Variants in SHISA9 observed in about 807,000 individuals in gnomAD.
The protein encoded by SHISA9 is protein shisa-9.
A neutral mutation model predicts 38.0 loss-of-function variants in SHISA9; 13 were observed. The ratio of observed to expected loss-of-function variants is 0.34; its 90% confidence interval spans 0.22 to 0.54. The LOEUF is 0.54. Ranked by LOEUF, SHISA9 falls within the 20% of genes least tolerant of loss-of-function variation. SHISA9 has a pLI of 0.91. For missense variants in SHISA9, 538 were observed against 575.8 expected, an observed-to-expected ratio of 0.93 and a Z score of 0.67; for synonymous variants, 275 against 242.0, an observed-to-expected ratio of 1.14 and a Z score of -1.27.
chr16:13,146,797 C>T (rs1010192861), intron 2 of SHISA9, among the ~76,000 whole-genome samples: 1 of 152,310 alleles, frequency 6.6e-6, no homozygotes, highest in South Asian at 2.1e-4. Context: ...ATTAACAGGG[C>T]ACCAACTCAA....
At chr16:12,976,084 A>G (rs1714681588) in intron 2 of SHISA9, among the ~76,000 whole-genome samples, 1 of 151,984 alleles carries the variant, frequency 6.6e-6, no homozygotes, top group Admixed American at 6.6e-5. Flanking sequence ...GCTCTAGAAA[A>G]ATAAACTTAT....
At chr16:13,375,233 T>C in the SHISA9 span, among the ~76,000 whole-genome samples, 1 of 152,242 alleles carries the variant, frequency 6.6e-6, no homozygotes. Flanking sequence ...GTTTCAGTCA[T>C]GAAGTCCTTT....
At chr16:13,245,906 A>T in the SHISA9 span, among the ~76,000 whole-genome samples, 2 of 152,170 alleles carry the variant, frequency 1.3e-5, no homozygotes, top group Non-Finnish European at 2.9e-5. Flanking sequence ...CTGTTTATTT[A>T]AGGGCTTAAA....
At chr16:13,507,193 ATAT>A in the SHISA9 span, among the ~76,000 whole-genome samples, 1 of 151,906 alleles carries the variant, frequency 6.6e-6, no homozygotes, top group East Asian at 1.9e-4. Context: ...AATATTTTTT[ATAT>A]TATTATTATT....
At chr16:13,561,908 G>A in the SHISA9 span, among the ~76,000 whole-genome samples, 1 of 152,108 alleles carries the variant, frequency 6.6e-6, no homozygotes, top group Non-Finnish European at 1.5e-5. Flanking sequence ...GGCTGGTATA[G>A]CTGGCAAATT....
At chr16:13,492,063 A>T in the SHISA9 span, among the ~76,000 whole-genome samples, 1 of 150,960 alleles carries the variant, frequency 6.6e-6, no homozygotes, top group Non-Finnish European at 1.5e-5. Flanking sequence ...CTTTGTCCCT[A>T]CCCACCTCAC....
At chr16:12,948,825 T>TA in intron 2 of SHISA9, among the ~76,000 whole-genome samples, 1 of 152,280 alleles carries the variant, frequency 6.6e-6, no homozygotes, top group South Asian at 2.1e-4. Context: ...TTCTAGGATT[T>TA]AAAAAATGTT....
At chr16:13,507,993 A>G in the SHISA9 span, among the ~76,000 whole-genome samples, 7 of 152,272 alleles carry the variant, frequency 4.6e-5, no homozygotes, top group South Asian at 1.0e-3. Context: ...AGAAAACACA[A>G]TTGTTTCTGG....
intron 2 of SHISA9, among the ~76,000 whole-genome samples, chr16:12,951,648 C>A (rs1383117286): frequency 6.6e-6 from 1 of 152,064 alleles, no homozygotes; most frequent in East Asian, 1.9e-4. Flanking sequence ...GAGGGGTGCA[C>A]CTGCCTGGTA....
At chr16:12,993,148 G>A (rs766069542) in intron 2 of SHISA9, among the ~76,000 whole-genome samples, 5 of 152,206 alleles carry the variant, frequency 3.3e-5, no homozygotes, top group Non-Finnish European at 7.3e-5. Flanking sequence ...AGAATGGGTA[G>A]CATCGGCCTG....
At chr16:13,502,875 C>T in the SHISA9 span, among the ~76,000 whole-genome samples, 4 of 149,484 alleles carry the variant, frequency 2.7e-5, no homozygotes, top group Non-Finnish European at 4.4e-5. Context: ...AGACCTGTCT[C>T]GAAAAAAATA....
At chr16:13,036,837 C>G (rs1410403266) in intron 2 of SHISA9, among the ~76,000 whole-genome samples, 1 of 151,848 alleles carries the variant, frequency 6.6e-6, no homozygotes, top group Non-Finnish European at 1.5e-5. Flanking sequence ...TAGCACAAAT[C>G]TGGCAACAGT....
the SHISA9 span, among the ~76,000 whole-genome samples, chr16:13,347,485 C>T: frequency 0.024 from 3,614 of 152,272 alleles, 135 homozygotes; most frequent in African/African-American, 0.081. Flanking sequence ...ACTTACATGT[C>T]TTCCTTTTTC....
At chr16:13,370,540 G>GCGGAGTGGACCTTCTT in the SHISA9 span, among the ~76,000 whole-genome samples, 5 of 152,196 alleles carry the variant, frequency 3.3e-5, no homozygotes, top group Admixed American at 2.0e-4. Context: ...CGAAGGCATT[G>GCGGAGTGGACCTTCTT]CTGAGTGGAC....
chr16:13,212,054 G>T (rs1471139566), intron 3 of SHISA9, among the ~76,000 whole-genome samples: 4 of 152,222 alleles, frequency 2.6e-5, no homozygotes, highest in Non-Finnish European at 5.9e-5. Flanking sequence ...CGGGGGGGAT[G>T]TGGCGATTTG....
chr16:13,383,939 G>A, the SHISA9 span, among the ~76,000 whole-genome samples: 2 of 152,140 alleles, frequency 1.3e-5, no homozygotes, highest in East Asian at 1.9e-4. Flanking sequence ...ACAGACGTGA[G>A]CCACCGTGCC....
At chr16:13,174,769 C>A (rs2050717160) in intron 2 of SHISA9, among the ~76,000 whole-genome samples, 1 of 152,002 alleles carries the variant, frequency 6.6e-6, no homozygotes, top group African/African-American at 2.4e-5. Flanking sequence ...ACCAGGGAGG[C>A]CTGTGGGAGT....
the SHISA9 span, among the ~76,000 whole-genome samples, chr16:13,469,421 G>GAAAGAAAGAA: frequency 2.5e-5 from 3 of 120,444 alleles, no homozygotes; most frequent in Non-Finnish European, 5.3e-5. Flanking sequence ...AAGAAAGAAA[G>GAAAGAAAGAA]AAAAAGAAAG....
At chr16:13,489,643 C>G in the SHISA9 span, among the ~76,000 whole-genome samples, 1 of 152,284 alleles carries the variant, frequency 6.6e-6, no homozygotes, top group South Asian at 2.1e-4. Flanking sequence ...TCATTCCTTG[C>G]CTTCCACCAT....
Sources: gnomAD v4.1 joint callset for allele counts (sites outside exome capture counted in the v4.1 genomes callset) on GRCh38, gnomAD v4.1.1 for gene constraint, MANE v1.5 for transcripts, NCBI Gene and HGNC (gene_info 2026-07-23, HGNC 2026-07-21) for gene names.